CACNA1E: variants seen among roughly 807,000 people sequenced by gnomAD.
CACNA1E encodes the protein calcium voltage-gated channel subunit alpha1 E, also known as voltage-dependent R-type calcium channel subunit alpha-1E.
Under a neutral mutation model 259.2 loss-of-function variants are expected in CACNA1E, and 40 were observed. That is an observed-to-expected ratio of 0.15 (90% confidence interval 0.12 to 0.20). CACNA1E has a LOEUF of 0.20. Among genes scored for constraint, CACNA1E ranks in the 10% least tolerant of loss-of-function variants. The pLI is 1.00. For missense variants in CACNA1E, 1,874 were observed against 3,040.1 expected (o/e 0.62, Z 9.02); for synonymous variants, 1,104 against 1,138.5 (o/e 0.97, Z 0.61).
In CACNA1E at chr1:181,806,188, TTA is replaced by T. The variant is rs1328911190; in HGVS notation, c.*7356_*7357del. Reference sequence around the variant, plus strand: ...CATAGTAGCACCAATAAAGGAGAGATTATGTTAACTTCCTAGTGGTGAGAATA... The same window carrying T: ...CATAGTAGCACCAATAAAGGAGAGATTGTTAACTTCCTAGTGGTGAGAATA... On this transcript the variant is annotated 3_prime_UTR_variant, in exon 48 of 48. Coordinates refer to ENST00000367573, the MANE Select transcript of CACNA1E (RefSeq NM_001205293.3). 6.6e-6 allele frequency: 1 copy of T among 152,142 alleles called. No individual in the cohort carries two copies. Among genetic ancestry groups the T allele is most frequent in the East Asian group, 1.9e-4 (1 of 5,186 alleles). The allele number at this position is 152,142 out of a possible 1,614,324, so 9.4% of individuals were successfully genotyped here. A position where few individuals can be genotyped will look rare whatever the true frequency, so the allele number is the denominator to read the frequency against.
At chr1:181,510,243 T>C (rs556202263) in intron 1 of CACNA1E, among the ~76,000 whole-genome samples, 1 of 152,232 alleles carries the variant, frequency 6.6e-6, no homozygotes, top group Non-Finnish European at 1.5e-5. Context: ...CGTTCCTTTT[T>C]TGGAGAAGAT....
chr1:181,511,368 C>T lies in CACNA1E; in HGVS notation c.373-3C>T, dbSNP rs1666151326. The T allele has an allele frequency of 1.2e-6, 2 of 1,613,914 alleles. No homozygotes were observed. The highest frequency in any genetic ancestry group is 1.1e-5 in the South Asian group (1 of 91,078). On this transcript the variant is annotated splice_region_variant and splice_polypyrimidine_tract_variant and intron_variant, in intron 2 of 47. Coordinates refer to ENST00000367573, the MANE Select transcript of CACNA1E (RefSeq NM_001205293.3). The stretch of plus-strand genomic sequence containing the variant: ...CTGGTGCTTCTGCTCCTCATCCCCA[C>T]AGGAGAAGACAGAACCTTATTTCAT...
At chr1:181,678,701 A>C (rs566222178) in intron 7 of CACNA1E, among the ~76,000 whole-genome samples, 8 of 152,332 alleles carry the variant, frequency 5.3e-5, no homozygotes, top group African/African-American at 1.9e-4. Context: ...TACGGGGCTC[A>C]AATCCTCATT....
Position 181,485,121 on chromosome 1 carries a change from G to A in CACNA1E, c.266+1111G>A, listed in dbSNP as rs1040924399. ...TGGTCTGGCGTTAAATATGGGGATG[G>A]GGTTGGAGACATGGGACTTTGGGAG... On this transcript the variant is annotated intron_variant, in intron 1 of 47. Transcript: ENST00000367573. This position sits in a 1 kb window ranked among gnomAD's most constrained non-coding sequence, Gnocchi z 4.2. 1.1e-4 allele frequency among the ~76,000 whole-genome samples: 17 copies of A among 152,312 alleles called. No homozygotes were observed. Among genetic ancestry groups the A allele is most frequent in the Admixed American group, 2.6e-4 (4 of 15,308 alleles).
intron 6 of CACNA1E, among the ~76,000 whole-genome samples, chr1:181,615,168 G>A (rs186302949): frequency 4.9e-4 from 75 of 152,162 alleles, no homozygotes; most frequent in African/African-American, 1.7e-3. Flanking sequence ...ATACTATTTT[G>A]TGTAGAGGTC....
intron 1 of CACNA1E, among the ~76,000 whole-genome samples, chr1:181,370,409 A>G (rs950652603): frequency 1.3e-4 from 19 of 149,480 alleles, no homozygotes; most frequent in Admixed American, 7.3e-4. Flanking sequence ...ATGGTACCTG[A>G]TTCAAGCCTT....
intron 6 of CACNA1E, among the ~76,000 whole-genome samples, chr1:181,607,038 A>G (rs562671137): frequency 4.6e-5 from 7 of 152,332 alleles, no homozygotes; most frequent in African/African-American, 1.7e-4. Context: ...AATGTTTAAT[A>G]CCATTCTACC....
At chr1:181,372,214 C>A (rs1336928956) in intron 1 of CACNA1E, among the ~76,000 whole-genome samples, 1 of 152,118 alleles carries the variant, frequency 6.6e-6, no homozygotes, top group East Asian at 1.9e-4. Flanking sequence ...GATATTGATT[C>A]TTCCTGTACA....
chr1:181,429,275 T>C (rs746611597), intron 2 of CACNA1E, among the ~76,000 whole-genome samples: 5 of 152,252 alleles, frequency 3.3e-5, no homozygotes, highest in Non-Finnish European at 7.3e-5. Flanking sequence ...TGGGCCCTTT[T>C]TAATGTGGAT....
At chr1:181,565,281 G>C (rs1289237355) in intron 3 of CACNA1E, among the ~76,000 whole-genome samples, 1 of 152,218 alleles carries the variant, frequency 6.6e-6, no homozygotes, top group Non-Finnish European at 1.5e-5. Context: ...GGGAAATGAT[G>C]TTTCACAAAA....
At chr1:181,529,980 G>T (rs1396628383) in intron 3 of CACNA1E, among the ~76,000 whole-genome samples, 2 of 152,152 alleles carry the variant, frequency 1.3e-5, no homozygotes. Flanking sequence ...CATGAGATTT[G>T]GAGGGGCCAG....
intron 2 of CACNA1E, among the ~76,000 whole-genome samples, chr1:181,455,644 C>T (rs1211395793): frequency 6.6e-6 from 1 of 152,234 alleles, no homozygotes; most frequent in African/African-American, 2.4e-5. Context: ...CAGAACTAGT[C>T]TTTCATCTGC....
intron 2 of CACNA1E, among the ~76,000 whole-genome samples, chr1:181,471,248 T>G (rs771001233): frequency 2.8e-4 from 43 of 152,320 alleles, no homozygotes; most frequent in Non-Finnish European, 5.9e-4. Flanking sequence ...GGGATTAAGT[T>G]TTAACATGAA....
chr1:181,664,543 G>A (rs1041174275), intron 7 of CACNA1E, among the ~76,000 whole-genome samples: 3 of 152,216 alleles, frequency 2.0e-5, no homozygotes, highest in African/African-American at 7.2e-5. Flanking sequence ...GCTATGGGCT[G>A]TGAAATGTGA....
intron 2 of CACNA1E, among the ~76,000 whole-genome samples, chr1:181,471,993 A>G (rs966659228): frequency 6.6e-6 from 1 of 152,172 alleles, no homozygotes; most frequent in South Asian, 2.1e-4. Context: ...TAGGATATGG[A>G]AAAAACAAAA....
At chr1:181,515,390 C>T (rs901852100) in intron 3 of CACNA1E, among the ~76,000 whole-genome samples, 1 of 152,142 alleles carries the variant, frequency 6.6e-6, no homozygotes, top group African/African-American at 2.4e-5. Flanking sequence ...CTGATTTCTT[C>T]CTTAAATGGC....
intron 6 of CACNA1E, among the ~76,000 whole-genome samples, chr1:181,643,385 G>T (rs563905858): frequency 7.2e-5 from 11 of 152,372 alleles, no homozygotes; most frequent in Middle Eastern, 3.4e-3. Flanking sequence ...GCAGGACCCT[G>T]AGCCCTGCCC....
At chr1:181,609,710 C>T (rs1251127509) in intron 6 of CACNA1E, among the ~76,000 whole-genome samples, 4 of 152,148 alleles carry the variant, frequency 2.6e-5, no homozygotes, top group Admixed American at 1.3e-4. Context: ...TTAGCTCCTT[C>T]GTGCATTATC....
chr1:181,758,159 C>A lies in CACNA1E; in HGVS notation c.4494+48C>A. 1 of 1,565,664 alleles carries A rather than the reference C, an allele frequency of 6.4e-7. No homozygotes were observed. Among genetic ancestry groups the A allele is most frequent in the Non-Finnish European group, 8.8e-7 (1 of 1,142,762 alleles). On this transcript the variant is annotated intron_variant, in intron 31 of 47. Transcript: ENST00000367573. This position sits in a 1 kb window ranked among gnomAD's most constrained non-coding sequence, Gnocchi z 4.2. ...GCCGACTGAGCCCCAGCGATGGTTC[C>A]CTCCCAGGGCAAGTGGGAAGACACC...
Sources: allele counts gnomAD v4.1 joint callset (sites outside exome capture counted in the v4.1 genomes callset), GRCh38; gene constraint gnomAD v4.1.1; non-coding constraint Gnocchi (gnomAD v3.1); transcripts MANE v1.5; gene names NCBI Gene and HGNC (gene_info 2026-07-23, HGNC 2026-07-21).